Variants in JAKMIP1 observed in about 807,000 individuals in gnomAD.
The protein encoded by JAKMIP1 is janus kinase and microtubule interacting protein 1.
JAKMIP1 carries 33 observed loss-of-function variants against 113.0 expected under a neutral mutation model. The ratio of observed to expected loss-of-function variants is 0.29; its 90% CI spans 0.22 to 0.39. The LOEUF is 0.39. JAKMIP1 is among the 10% of genes least tolerant of loss of function. The pLI, the probability that JAKMIP1 is intolerant of heterozygous loss-of-function variation, is 1.00. For synonymous variants in JAKMIP1, 480 were observed against 459.9 expected, an observed-to-expected ratio of 1.04 and a Z score of -0.56; for missense variants, 813 against 1,080.5, an observed-to-expected ratio of 0.75 and a Z score of 3.47.
At chr4:6,036,840 C>T (rs1408297152) in intron 18 of JAKMIP1, among the ~76,000 whole-genome samples, 2 of 152,230 alleles carry the variant, frequency 1.3e-5, no homozygotes, top group African/African-American at 4.8e-5. Context: ...CTACTTCTCT[C>T]CCAAAGAAAC....
rs941808531 is a variant in JAKMIP1 at position 6,156,994 on chromosome 4, G to A, written c.-148+43259C>T. Among the ~76,000 whole-genome samples, 6 of 152,176 alleles carry A rather than the reference G, an allele frequency of 3.9e-5. No individual in the cohort carries two copies. The highest frequency in any genetic ancestry group is 8.8e-5 in the Non-Finnish European group (6 of 68,034). On this transcript the variant is annotated intron_variant, in intron 1 of 20. Transcript: ENST00000409021. This position sits in a 1 kb window ranked among gnomAD's most constrained non-coding sequence, Gnocchi z 5.0. The stretch of plus-strand genomic sequence containing the variant: ...CCAATGCACCAGTGTAAAGAGGGGG[G>A]ACCTTTAAGGGGTGATTGGGTCATG...
chr4:6,041,098 C>T (rs1714254481), intron 17 of JAKMIP1, among the ~76,000 whole-genome samples: 2 of 152,136 alleles, frequency 1.3e-5, no homozygotes, highest in Admixed American at 6.5e-5. Flanking sequence ...GTGGCTCTTC[C>T]TTCCTGCCTG....
rs879811678 is a variant in JAKMIP1 at position 6,155,109 on chromosome 4, G to T, written c.-147-42112C>A. ...AGATACTTCTGGTGACAGTGTTGGG[G>T]TGTGCTGAAATTGGATCTGTGACAA... is the stretch of plus-strand genomic sequence containing the variant. On this transcript the variant is annotated intron_variant, in intron 1 of 20. Coordinates refer to ENST00000409021, the MANE Select transcript of JAKMIP1 (RefSeq NM_001099433.2). The surrounding 1 kb of genome is among the most constrained non-coding windows in gnomAD (Gnocchi z 6.1). 6.6e-6 allele frequency among the ~76,000 whole-genome samples: 1 copy of T among 152,248 alleles called. No individual in the cohort carries two copies. Among genetic ancestry groups the T allele is most frequent in the East Asian group, 1.9e-4 (1 of 5,174 alleles).
At chr4:6,082,812 G>A (rs561979707) in intron 5 of JAKMIP1, among the ~76,000 whole-genome samples, 1 of 152,202 alleles carries the variant, frequency 6.6e-6, no homozygotes, top group Non-Finnish European at 1.5e-5. Context: ...CCAGAAAGCG[G>A]CAACAGCCTA....
chr4:6,191,164 T>C (rs180755753), intron 1 of JAKMIP1, among the ~76,000 whole-genome samples: 159 of 152,250 alleles, frequency 1.0e-3, no homozygotes, highest in Non-Finnish European at 1.8e-3. Flanking sequence ...GGCCCGACAC[T>C]CTTGGGCCAC....
At chr4:6,036,162 C>T in intron 18 of JAKMIP1, 55 bp from the exon 19 acceptor site, 3 of 1,370,234 alleles carry the variant, frequency 2.2e-6, no homozygotes, top group Non-Finnish European at 3.0e-6. Context: ...TGGACAGGAA[C>T]CACCAGAAGG....
chr4:6,064,766 A>C lies in JAKMIP1; in HGVS notation c.1431+114T>G. The C allele has an allele frequency of 7.3e-7, 1 of 1,368,822 alleles. No individual in the cohort carries two copies. Among genetic ancestry groups the C allele is most frequent in the Admixed American group, 1.9e-5 (1 of 52,036 alleles). The allele number at this position is 1,368,822 out of a possible 1,614,324, so 84.8% of individuals were successfully genotyped here. On this transcript the variant is annotated intron_variant, in intron 9 of 20. Coordinates refer to ENST00000409021, the MANE Select transcript of JAKMIP1 (RefSeq NM_001099433.2). This position sits in a 1 kb window ranked among gnomAD's most constrained non-coding sequence, Gnocchi z 4.3. ...GATAATGCACTGGTAGGAACTGGTC[A>C]TCTGGGGTTCAGAACTATAGGCAAG...
At chr4:6,113,777 G>A (rs1715316060) in intron 1 of JAKMIP1, among the ~76,000 whole-genome samples, 1 of 152,112 alleles carries the variant, frequency 6.6e-6, no homozygotes, top group African/African-American at 2.4e-5. Flanking sequence ...CTGACAAACT[G>A]TAATTGACTT....
intron 1 of JAKMIP1, among the ~76,000 whole-genome samples, chr4:6,171,644 G>A (rs572428516): frequency 7.2e-5 from 11 of 152,348 alleles, no homozygotes; most frequent in Admixed American, 2.6e-4. Flanking sequence ...GTGCACAACA[G>A]TGATAGGTGT....
At chr4:6,125,928 A>T (rs1717461906) in intron 1 of JAKMIP1, among the ~76,000 whole-genome samples, 1 of 45,114 alleles carries the variant, frequency 2.2e-5, no homozygotes, top group Non-Finnish European at 4.7e-5. Context: ...ACCATGCAGA[A>T]ACACACACAC....
intron 7 of JAKMIP1, among the ~76,000 whole-genome samples, chr4:6,079,551 C>A (rs1720200125): frequency 6.6e-6 from 1 of 152,206 alleles, no homozygotes; most frequent in Admixed American, 6.5e-5. Flanking sequence ...ACACGTTCTA[C>A]TTCTAAGATC....
chr4:6,029,257 C>G (rs1284515697), intron 20 of JAKMIP1, among the ~76,000 whole-genome samples: 1 of 152,198 alleles, frequency 6.6e-6, no homozygotes, highest in Non-Finnish European at 1.5e-5. Context: ...CATTGAGAGG[C>G]CAGCCTCACG....
In JAKMIP1 at chr4:6,084,832, T is replaced by A; in HGVS notation, c.954+14A>T. The A allele has an allele frequency of 6.2e-7, 1 of 1,608,384 alleles. No individual in the cohort carries two copies. The highest frequency in any genetic ancestry group is 8.5e-7 in the Non-Finnish European group (1 of 1,178,358). ...CACCCTATGAGGCACCGCCTGTCTC[T>A]TGGGGCTACTTACCAGTTCATTCCT... is the stretch of plus-strand genomic sequence containing the variant. On this transcript the variant is annotated intron_variant, in intron 5 of 20. Transcript: ENST00000409021.
intron 1 of JAKMIP1, among the ~76,000 whole-genome samples, chr4:6,161,688 C>A (rs1231681249): frequency 6.6e-6 from 1 of 152,040 alleles, no homozygotes; most frequent in Non-Finnish European, 1.5e-5. Flanking sequence ...CAAGGGTGAC[C>A]AGAGCCACCG....
intron 1 of JAKMIP1, among the ~76,000 whole-genome samples, chr4:6,174,781 C>G (rs954314673): frequency 2.6e-5 from 4 of 151,664 alleles, no homozygotes; most frequent in Admixed American, 1.3e-4. Flanking sequence ...AACTACACCA[C>G]GACACCCAGC....
rs896806111 is a variant in JAKMIP1 at position 6,061,746 on chromosome 4, C to T, written c.1560+566G>A. ...GTGTGCTCTCCGGGAGTCCTCCACA[C>T]TCCCAGGAGGAAGCGAGAGCAGGCC... On this transcript the variant is annotated intron_variant, in intron 10 of 20. Coordinates refer to ENST00000409021, the MANE Select transcript of JAKMIP1 (RefSeq NM_001099433.2). This position sits in a 1 kb window ranked among gnomAD's most constrained non-coding sequence, Gnocchi z 5.3. Among the ~76,000 whole-genome samples the T allele has an allele frequency of 6.6e-6, 1 of 152,196 alleles. No individual in the cohort carries two copies. The highest frequency in any genetic ancestry group is 2.4e-5 in the African/African-American group (1 of 41,458).
rs1712578217 is a variant in JAKMIP1, at chr4:6,031,019, G to T, written c.2380-1238C>A. 6.6e-6 allele frequency among the ~76,000 whole-genome samples: 1 copy of T among 152,192 alleles called. No homozygotes were observed. The highest frequency in any genetic ancestry group is 6.5e-5 in the Admixed American group (1 of 15,270). The stretch of plus-strand genomic sequence containing the variant: ...AGTAAATAGGACTCCATATGCCTGG[G>T]CCTGTTCCAGTCCTGGAGAGAAAGA... On this transcript the variant is annotated intron_variant, in intron 19 of 20. Transcript: ENST00000409021. The surrounding 1 kb of genome is among the most constrained non-coding windows in gnomAD (Gnocchi z 4.4).
In JAKMIP1 at chr4:6,086,277, T is replaced by C. The variant is rs114676424; in HGVS notation, c.625-648A>G. On this transcript the variant is annotated intron_variant, in intron 3 of 20. Transcript: ENST00000409021. The surrounding 1 kb of genome is among the most constrained non-coding windows in gnomAD (Gnocchi z 4.1). ...CTGGAGTTTCCAAGGCTCGGGCCTC[T>C]TCTCACTCTATATCCTCTCCCAGGC... Among the ~76,000 whole-genome samples the C allele has an allele frequency of 2.8e-3, 427 of 152,230 alleles. 1 individual carries two copies. Among genetic ancestry groups the C allele is most frequent in the African/African-American group, 1.0e-2 (415 of 41,550 alleles).
At chr4:6,092,640 T>A (rs1346796598) in intron 3 of JAKMIP1, among the ~76,000 whole-genome samples, 1 of 152,248 alleles carries the variant, frequency 6.6e-6, no homozygotes. Context: ...TAGTGAGGTC[T>A]GCAGGGAAGC....
Sources: gnomAD v4.1 joint callset for allele counts (sites outside exome capture counted in the v4.1 genomes callset) on GRCh38, gnomAD v4.1.1 for gene constraint, Gnocchi (gnomAD v3.1) non-coding constraint, MANE v1.5 for transcripts, NCBI Gene and HGNC (gene_info 2026-07-23, HGNC 2026-07-21) for gene names.